Variants in MEGF11 observed in about 807,000 individuals in gnomAD.
The protein encoded by MEGF11 is multiple epidermal growth factor-like domains protein 11.
MEGF11 carries 126 observed loss-of-function variants against 146.6 expected under a neutral mutation model. The ratio of observed to expected loss-of-function variants is 0.86; its 90% CI spans 0.74 to 1.00. The LOEUF is 1.00. Among genes scored for constraint, MEGF11 ranks in the 50% least tolerant of loss-of-function variants. The pLI is 0.00. For missense variants in MEGF11, 1,509 were observed against 1,521.2 expected, an observed-to-expected ratio of 0.99 and a Z score of 0.13; for synonymous variants, 532 against 583.4, an observed-to-expected ratio of 0.91 and a Z score of 1.27.
At chr15:65,925,336 A>G (rs1256083047) in intron 13 of MEGF11, among the ~76,000 whole-genome samples, 2 of 152,196 alleles carry the variant, frequency 1.3e-5, no homozygotes, top group Non-Finnish European at 2.9e-5. Context: ...GGTGGCTGCA[A>G]AGTCCCACTG....
chr15:66,174,240 C>A (rs2090334911), intron 1 of MEGF11, among the ~76,000 whole-genome samples: 1 of 152,168 alleles, frequency 6.6e-6, no homozygotes, highest in South Asian at 2.1e-4. Flanking sequence ...AGAAAGCCTC[C>A]CCAAAGGGAA....
At chr15:66,123,072 C>T (rs1168755177) in intron 3 of MEGF11, among the ~76,000 whole-genome samples, 26 of 152,166 alleles carry the variant, frequency 1.7e-4, no homozygotes, top group Non-Finnish European at 1.0e-4. Flanking sequence ...CGTGAGCCAC[C>T]GTGCCTGGCC....
chr15:66,211,016 C>T (rs1026168143), intron 1 of MEGF11, among the ~76,000 whole-genome samples: 49 of 152,088 alleles, frequency 3.2e-4, no homozygotes, highest in African/African-American at 4.6e-4. Context: ...GGACCAGCTG[C>T]CCTCCTAGGC....
intron 10 of MEGF11, among the ~76,000 whole-genome samples, chr15:65,946,861 C>T (rs1419601240): frequency 6.6e-6 from 1 of 152,098 alleles, no homozygotes; most frequent in Non-Finnish European, 1.5e-5. Context: ...CTGCTCTGCT[C>T]CCACTCTTTT....
chr15:65,944,382 G>GGATGGAGA (rs1323488243), intron 10 of MEGF11, among the ~76,000 whole-genome samples: 1 of 152,200 alleles, frequency 6.6e-6, no homozygotes, highest in African/African-American at 2.4e-5. Flanking sequence ...TGGCTGAGGG[G>GGATGGAGA]GATGGAGAGC....
chr15:66,046,611 C>A (rs2084214988), intron 5 of MEGF11, among the ~76,000 whole-genome samples: 1 of 152,186 alleles, frequency 6.6e-6, no homozygotes, highest in Admixed American at 6.5e-5. Context: ...AGGCTGAGTG[C>A]CGGGGCCAAG....
chr15:66,097,302 G>A (rs1198943042), intron 4 of MEGF11, among the ~76,000 whole-genome samples: 1 of 152,204 alleles, frequency 6.6e-6, no homozygotes, highest in South Asian at 2.1e-4. Flanking sequence ...CTCCTAGGGA[G>A]GATGGAGGTG....
At chr15:66,247,553 T>C (rs1397929121) in intron 1 of MEGF11, among the ~76,000 whole-genome samples, 1 of 152,144 alleles carries the variant, frequency 6.6e-6, no homozygotes, top group East Asian at 1.9e-4. Context: ...ATTTTGATCC[T>C]CTCTGAGGCC....
At chr15:66,085,657 G>C (rs532304164) in intron 5 of MEGF11, among the ~76,000 whole-genome samples, 1 of 152,202 alleles carries the variant, frequency 6.6e-6, no homozygotes, top group Non-Finnish European at 1.5e-5. Flanking sequence ...TACCCCATGG[G>C]ACAAAAGAAT....
At chr15:66,053,714 AATTTTTT>A (rs1405327150) in intron 5 of MEGF11, among the ~76,000 whole-genome samples, 1 of 42,268 alleles carries the variant, frequency 2.4e-5, no homozygotes, top group African/African-American at 5.3e-5. Flanking sequence ...CCCTGGCACC[AATTTTTT>A]TTTTTTTTTT....
intron 1 of MEGF11, among the ~76,000 whole-genome samples, chr15:66,177,567 T>C (rs1326813170): frequency 6.6e-6 from 1 of 152,138 alleles, no homozygotes; most frequent in Non-Finnish European, 1.5e-5. Context: ...ACGGCTGTTT[T>C]TGTTTTTTTT....
intron 5 of MEGF11, among the ~76,000 whole-genome samples, chr15:66,057,392 A>G (rs577954161): frequency 6.6e-6 from 1 of 152,204 alleles, no homozygotes; most frequent in Non-Finnish European, 1.5e-5. Context: ...ATTGATTTTG[A>G]CAGTGTAACA....
intron 1 of MEGF11, among the ~76,000 whole-genome samples, chr15:66,165,022 C>T (rs755053828): frequency 5.9e-5 from 9 of 152,222 alleles, no homozygotes; most frequent in Non-Finnish European, 1.5e-5. Context: ...AGCAGATTTC[C>T]CTGTCTGAGC....
chr15:66,252,551 C>A (rs921595847), intron 1 of MEGF11, among the ~76,000 whole-genome samples: 2 of 152,140 alleles, frequency 1.3e-5, no homozygotes, highest in Non-Finnish European at 2.9e-5. Flanking sequence ...CTGGATGGAG[C>A]CCGCGAGTCC....
At chr15:66,031,812 G>T (rs538232873) in intron 5 of MEGF11, among the ~76,000 whole-genome samples, 1 of 152,276 alleles carries the variant, frequency 6.6e-6, no homozygotes, top group African/African-American at 2.4e-5. Context: ...TAATCCCTCT[G>T]CCCTCGTGAA....
At chr15:65,946,997 G>C (rs1167686105) in intron 10 of MEGF11, among the ~76,000 whole-genome samples, 1 of 152,116 alleles carries the variant, frequency 6.6e-6, no homozygotes, top group Non-Finnish European at 1.5e-5. Context: ...GGAGAAGCAA[G>C]AATATGAATT....
intron 1 of MEGF11, among the ~76,000 whole-genome samples, chr15:66,211,487 G>A (rs1000693494): frequency 1.4e-5 from 2 of 147,174 alleles, no homozygotes; most frequent in African/African-American, 2.5e-5. Flanking sequence ...TGGCACCACT[G>A]CACTCCAGCC....
intron 1 of MEGF11, among the ~76,000 whole-genome samples, chr15:66,210,846 T>C (rs1380693094): frequency 6.6e-6 from 1 of 152,088 alleles, no homozygotes; most frequent in Non-Finnish European, 1.5e-5. Flanking sequence ...TTCCCAGCAA[T>C]GAATATCGCC....
chr15:66,207,103 A>G (rs2091318460), intron 1 of MEGF11, among the ~76,000 whole-genome samples: 1 of 152,196 alleles, frequency 6.6e-6, no homozygotes, highest in Non-Finnish European at 1.5e-5. Context: ...GGGAGTCCCA[A>G]AAGGAGAGTA....
Sources: allele counts gnomAD v4.1 joint callset (sites outside exome capture counted in the v4.1 genomes callset), GRCh38; gene constraint gnomAD v4.1.1; transcripts MANE v1.5; gene names NCBI Gene and HGNC (gene_info 2026-07-23, HGNC 2026-07-21).